BLTP3B: variants seen among roughly 807,000 people sequenced by gnomAD.
BLTP3B encodes bridge-like lipid transfer protein family member 3B, also known as UHRF1 (ICBP90) binding protein 1-like.
At chr12:100,114,665 C>A in the BLTP3B span, among the ~76,000 whole-genome samples, 1 of 152,168 alleles carries the variant, frequency 6.6e-6, no homozygotes, top group Non-Finnish European at 1.5e-5. Context: ...TAAAGTCATA[C>A]AAGAGAAGAT....
At chr12:100,047,399 T>C in the BLTP3B span, 3 of 601,390 alleles carry the variant, frequency 5.0e-6, no homozygotes, top group East Asian at 9.2e-5. Context: ...TCGGGAGGTT[T>C]AGGTAGGAGA....
the BLTP3B span, among the ~76,000 whole-genome samples, chr12:100,098,110 A>G: frequency 2.0e-5 from 3 of 152,040 alleles, no homozygotes; most frequent in Non-Finnish European, 4.4e-5. Flanking sequence ...CCAGCTACTC[A>G]AGATGCTGAG....
chr12:100,047,623 T>G, the BLTP3B span: 1 of 1,610,346 alleles, frequency 6.2e-7, no homozygotes, highest in Non-Finnish European at 8.5e-7. Context: ...ACTGTACTAC[T>G]CCGGGGACTA....
At chr12:100,122,262 G>A in the BLTP3B span, among the ~76,000 whole-genome samples, 1 of 152,112 alleles carries the variant, frequency 6.6e-6, no homozygotes, top group Non-Finnish European at 1.5e-5. Context: ...AAAAAGTGGA[G>A]CCATAGGCAG....
chr12:100,045,811 A>G, the BLTP3B span, among the ~76,000 whole-genome samples: 1 of 152,162 alleles, frequency 6.6e-6, no homozygotes, highest in African/African-American at 2.4e-5. Flanking sequence ...ATGGGAGAAA[A>G]TTTTTGCAGT....
chr12:100,097,701 T>C, the BLTP3B span, among the ~76,000 whole-genome samples: 4 of 152,242 alleles, frequency 2.6e-5, no homozygotes, highest in African/African-American at 9.6e-5. Context: ...TTCATATTCA[T>C]CATATGTAAA....
the BLTP3B span, among the ~76,000 whole-genome samples, chr12:100,133,257 T>C: frequency 2.0e-5 from 3 of 152,006 alleles, no homozygotes; most frequent in South Asian, 2.1e-4. Flanking sequence ...AATAAATAAA[T>C]AAATAAACAA....
the BLTP3B span, among the ~76,000 whole-genome samples, chr12:100,116,776 T>A: frequency 6.6e-6 from 1 of 152,198 alleles, no homozygotes; most frequent in East Asian, 1.9e-4. Context: ...ATAAAAGGCA[T>A]CTGGTTTTGA....
the BLTP3B span, among the ~76,000 whole-genome samples, chr12:100,121,372 A>AC: frequency 2.0e-3 from 303 of 150,840 alleles, 5 homozygotes; most frequent in African/African-American, 6.9e-3. Flanking sequence ...AAAAAAAAAA[A>AC]ACAGAAAATG....
the BLTP3B span, chr12:100,051,012 A>G: frequency 4.2e-4 from 661 of 1,580,484 alleles, 6 homozygotes; most frequent in African/African-American, 8.2e-3. Context: ...CAAAATATAT[A>G]CATGTCAAAT....
At chr12:100,126,792 TAATTAATGAAATCTGGTG>T in the BLTP3B span, among the ~76,000 whole-genome samples, 1 of 152,208 alleles carries the variant, frequency 6.6e-6, no homozygotes, top group African/African-American at 2.4e-5. Context: ...ATGCAATAAA[TAATTAATGAAATCTGGTG>T]ATGAGAGATA....
At chr12:100,130,151 G>A in the BLTP3B span, among the ~76,000 whole-genome samples, 1 of 152,114 alleles carries the variant, frequency 6.6e-6, no homozygotes, top group Non-Finnish European at 1.5e-5. Context: ...GCAGAAACGG[G>A]GTTTCACCAT....
the BLTP3B span, among the ~76,000 whole-genome samples, chr12:100,083,908 G>A: frequency 6.6e-6 from 1 of 152,230 alleles, no homozygotes; most frequent in Non-Finnish European, 1.5e-5. Context: ...CTTGGCTTAG[G>A]CCGGGCGTGG....
chr12:100,044,570 T>C, the BLTP3B span, among the ~76,000 whole-genome samples: 1 of 151,916 alleles, frequency 6.6e-6, no homozygotes, highest in Non-Finnish European at 1.5e-5. Context: ...TTTGTTAGAG[T>C]GGAGATGCAA....
the BLTP3B span, among the ~76,000 whole-genome samples, chr12:100,131,329 T>C: frequency 6.6e-6 from 1 of 150,928 alleles, no homozygotes; most frequent in Non-Finnish European, 1.5e-5. Flanking sequence ...AAAAAATTAA[T>C]TAATTTAAAG....
the BLTP3B span, among the ~76,000 whole-genome samples, chr12:100,098,841 G>A: frequency 6.6e-6 from 1 of 151,914 alleles, no homozygotes; most frequent in Admixed American, 6.6e-5. Flanking sequence ...CCCAGGAGGT[G>A]GAGGTTGCGG....
At chr12:100,046,691 G>A in the BLTP3B span, among the ~76,000 whole-genome samples, 4 of 151,932 alleles carry the variant, frequency 2.6e-5, no homozygotes, top group African/African-American at 7.3e-5. Flanking sequence ...AAACCTGGAC[G>A]TTGGGTACAT....
chr12:100,057,994 A>G, the BLTP3B span: 1 of 1,530,266 alleles, frequency 6.5e-7, no homozygotes, highest in Non-Finnish European at 8.7e-7. Context: ...CACAAAATAA[A>G]TTAATTTTTA....
At chr12:100,073,480 G>A in the BLTP3B span, among the ~76,000 whole-genome samples, 4 of 151,286 alleles carry the variant, frequency 2.6e-5, no homozygotes, top group Non-Finnish European at 5.9e-5. Context: ...GATTACAGGC[G>A]TGAGCCACTG....
Sources: gnomAD v4.1 joint callset for allele counts (sites outside exome capture counted in the v4.1 genomes callset) on GRCh38, gnomAD v4.1.1 for gene constraint, MANE v1.5 for transcripts, NCBI Gene and HGNC (gene_info 2026-07-23, HGNC 2026-07-21) for gene names.